Variants in WWC2 observed in about 807,000 individuals in gnomAD.
WWC2 encodes the protein WW and C2 domain containing 2.
A neutral mutation model predicts 138.5 loss-of-function variants in WWC2; 101 were observed. That is an observed-to-expected ratio of 0.73 (90% CI 0.62 to 0.86). The LOEUF (loss-of-function observed/expected upper bound fraction) is 0.86. Among genes scored for constraint, WWC2 ranks in the 40% least tolerant of loss-of-function variants. The pLI, the probability that WWC2 is intolerant of heterozygous loss-of-function variation, is 0.00. For missense variants in WWC2, 1,420 were observed against 1,419.4 expected (o/e 1.00, Z -0.01); for synonymous variants, 558 against 538.4 (o/e 1.04, Z -0.50).
chr4:183,215,834 A>G (rs948798527), intron 4 of WWC2, among the ~76,000 whole-genome samples: 2 of 152,208 alleles, frequency 1.3e-5, no homozygotes, highest in African/African-American at 4.8e-5. Flanking sequence ...AAATGCCCTT[A>G]TATCCATAAT....
In WWC2 at chr4:183,245,537, C is replaced by A; in HGVS notation, c.724C>A (p.Leu242Met). The A allele has an allele frequency of 6.3e-7, 1 of 1,591,726 alleles. No homozygotes were observed. The highest frequency in any genetic ancestry group is 1.1e-5 in the South Asian group (1 of 87,198). Residue 242 changes from leucine (L) to methionine (M), a missense_variant, in exon 6 of 23, where the codon CTG (leucine) becomes ATG (methionine). Physicochemically the swap from Leu to Met is conservative, Grantham distance 15. Coordinates refer to ENST00000403733, the MANE Select transcript of WWC2 (RefSeq NM_024949.6). ...ISSGEKEKQD[L>M]MQSLAKLQER... ...CTCAGGAGAAAAAGAAAAACAAGAT[C>A]TGATGCAGGTACATTATAAAACATT...
chr4:183,230,036 G>A lies in WWC2; in HGVS notation c.523-10147G>A, dbSNP rs1257418375. ...GCTGGGGTTTTGCCGCATTGCCTAA[G>A]CTAATCTCAAACCCCTGGGCTCAGG... On this transcript the variant is annotated intron_variant, in intron 4 of 22. Coordinates refer to ENST00000403733, the MANE Select transcript of WWC2 (RefSeq NM_024949.6). Among the ~76,000 whole-genome samples, 11 of 152,102 alleles carry A rather than the reference G, an allele frequency of 7.2e-5. 1 individual carries two copies. The East Asian group carries it at 1.5e-3, about 21-fold the overall frequency.
Position 183,243,793 on chromosome 4 carries a change from A to C in WWC2, c.603-1623A>C, listed in dbSNP as rs969338809. ...TGTGTGTGTGTGTGTGTGTGTGTGC[A>C]TGTGTTTAATCTGTGACTTGATTGG... On this transcript the variant is annotated intron_variant, in intron 5 of 22. Coordinates refer to ENST00000403733, the MANE Select transcript of WWC2 (RefSeq NM_024949.6). 5.8e-5 allele frequency among the ~76,000 whole-genome samples: 5 copies of C among 86,724 alleles called. No homozygotes were observed. The East Asian group carries it at 1.4e-3, about 24-fold the overall frequency. The allele number at this position is 86,724 out of a possible 152,430, so 56.9% of individuals were successfully genotyped here. A position where few individuals can be genotyped will look rare whatever the true frequency, so the allele number is the denominator to read the frequency against.
chr4:183,206,440 C>T (rs1033666537), intron 2 of WWC2, among the ~76,000 whole-genome samples: 1 of 152,134 alleles, frequency 6.6e-6, no homozygotes, highest in African/African-American at 2.4e-5. Flanking sequence ...GAGACGAGAT[C>T]TTAAGTCACA....
intron 2 of WWC2, 68 bp from the exon 3 acceptor site, chr4:183,207,885 C>T: frequency 7.0e-7 from 1 of 1,420,070 alleles, no homozygotes; most frequent in Non-Finnish European, 9.4e-7. Context: ...TAGCCTACTC[C>T]CTAAAGCTTA....
intron 1 of WWC2, among the ~76,000 whole-genome samples, chr4:183,163,717 A>G (rs1054947434): frequency 2.6e-5 from 4 of 152,246 alleles, no homozygotes; most frequent in African/African-American, 9.6e-5. Context: ...GTGTTACTGT[A>G]TGTGGATGGT....
intron 2 of WWC2, among the ~76,000 whole-genome samples, chr4:183,204,054 C>T (rs1402716454): frequency 6.6e-6 from 1 of 152,038 alleles, no homozygotes; most frequent in Non-Finnish European, 1.5e-5. Flanking sequence ...CAGGATAAAC[C>T]AGTAAGGAAA....
chr4:183,247,533 A>ATATATACTATATATATACTG (rs1560864497), intron 6 of WWC2, among the ~76,000 whole-genome samples: 11 of 143,320 alleles, frequency 7.7e-5, no homozygotes, highest in Non-Finnish European at 1.5e-4. Context: ...TATATATACT[A>ATATATACTATATATATACTG]TATATACTAT....
At chr4:183,213,204 G>A (rs537922285) in intron 4 of WWC2, among the ~76,000 whole-genome samples, 3 of 152,318 alleles carry the variant, frequency 2.0e-5, no homozygotes, top group South Asian at 2.1e-4. Context: ...CAGATGGTGC[G>A]CTGTTTGGTA....
At chr4:183,150,137 G>A (rs1019098864) in intron 1 of WWC2, among the ~76,000 whole-genome samples, 2 of 152,180 alleles carry the variant, frequency 1.3e-5, no homozygotes, top group African/African-American at 4.8e-5. Flanking sequence ...TGGCCTGCAA[G>A]CCTGTTGCTG....
rs761056244 is a variant in WWC2 at position 183,245,448 on chromosome 4, G to C, written c.635G>C (p.Gly212Ala). The change falls in exon 6 of 23, where the codon GGG becomes GCG. Residue 212 changes from glycine (G) to alanine (A), a missense_variant. Gly to Ala is a moderately conservative substitution (Grantham distance 60). Coordinates refer to ENST00000403733, the MANE Select transcript of WWC2 (RefSeq NM_024949.6). ...IDKKMSGGQSGYELSEAKAIL... is the reference protein window; with the variant it reads ...IDKKMSGGQSAYELSEAKAIL... ...AAAAAAATGTCTGGAGGCCAGAGCG[G>C]GTATGAACTCAGTGAAGCCAAAGCC... is the stretch of plus-strand genomic sequence containing the variant. The C allele has an allele frequency of 1.3e-6, 2 of 1,597,552 alleles. No homozygotes were observed. Among genetic ancestry groups the C allele is most frequent in the Admixed American group, 3.5e-5 (2 of 56,344 alleles).
chr4:183,294,943 A>G (rs1727816175), intron 21 of WWC2, among the ~76,000 whole-genome samples: 1 of 152,196 alleles, frequency 6.6e-6, no homozygotes, highest in Non-Finnish European at 1.5e-5. Context: ...ACCCAAGGAA[A>G]TCATCAAGGC....
At chr4:183,224,860 C>CTA (rs1736028412) in intron 4 of WWC2, among the ~76,000 whole-genome samples, 1 of 150,546 alleles carries the variant, frequency 6.6e-6, no homozygotes, top group African/African-American at 2.5e-5. Context: ...TGCACCTGGC[C>CTA]TATTTGTTTA....
chr4:183,242,752 A>G (rs1351041699), intron 5 of WWC2, among the ~76,000 whole-genome samples: 3 of 152,230 alleles, frequency 2.0e-5, no homozygotes, highest in Admixed American at 1.3e-4. Context: ...TATAGGGCAC[A>G]CTCAAGTCAA....
At chr4:183,153,498 G>A (rs977994148) in intron 1 of WWC2, among the ~76,000 whole-genome samples, 2 of 152,052 alleles carry the variant, frequency 1.3e-5, no homozygotes, top group East Asian at 1.9e-4. Flanking sequence ...TAATTCATAC[G>A]TGTAACTAAA....
At chr4:183,189,384 C>G (rs1734923540) in intron 1 of WWC2, among the ~76,000 whole-genome samples, 1 of 151,504 alleles carries the variant, frequency 6.6e-6, no homozygotes, top group Non-Finnish European at 1.5e-5. Flanking sequence ...TTGCAGTGAG[C>G]CGAGATCGCG....
intron 1 of WWC2, among the ~76,000 whole-genome samples, chr4:183,159,038 C>A (rs1733883134): frequency 1.3e-5 from 2 of 152,146 alleles, no homozygotes; most frequent in African/African-American, 4.8e-5. Flanking sequence ...CTTGGTTCTG[C>A]TGGGTGCAGT....
intron 21 of WWC2, 34 bp from the exon 22 acceptor site, chr4:183,312,307 T>C (rs377338821): frequency 1.0e-5 from 16 of 1,606,846 alleles, no homozygotes; most frequent in Non-Finnish European, 1.3e-5. Flanking sequence ...ATCAGTGTTT[T>C]GTGTGTTTCT....
chr4:183,146,639 C>G (rs780415771), intron 1 of WWC2, among the ~76,000 whole-genome samples: 3 of 152,144 alleles, frequency 2.0e-5, no homozygotes, highest in Non-Finnish European at 4.4e-5. Context: ...ATGTGCGCAG[C>G]GTACAGCCTG....
Sources: gnomAD v4.1 joint callset for allele counts (sites outside exome capture counted in the v4.1 genomes callset) on GRCh38, gnomAD v4.1.1 for gene constraint, MANE v1.5 for transcripts, NCBI Gene and HGNC (gene_info 2026-07-23, HGNC 2026-07-21) for gene names.